The following CLHC1 variants were observed in gnomAD, a reference collection of about 807,000 sequenced individuals.
The protein encoded by CLHC1 is clathrin heavy chain linker domain-containing protein 1.
CLHC1 carries 72 observed loss-of-function variants against 69.5 expected under a neutral mutation model. That is an observed-to-expected ratio of 1.04 (90% CI 0.86 to 1.26). The LOEUF (loss-of-function observed/expected upper bound fraction) is 1.26. CLHC1 is among the 50% of genes most tolerant of loss of function. The probability of loss-of-function intolerance (pLI) is 0.00; values close to 1 mark genes in which losing one functional copy is unlikely to be tolerated. For missense variants in CLHC1, 790 were observed against 679.3 expected (o/e 1.16, Z -1.81); for synonymous variants, 223 against 224.3 (o/e 0.99, Z 0.05).
At chr2:55,182,102 G>A (rs112956079) in intron 9 of CLHC1, among the ~76,000 whole-genome samples, 1 of 151,932 alleles carries the variant, frequency 6.6e-6, no homozygotes, top group African/African-American at 2.4e-5. Context: ...CCAGAACTGT[G>A]AGCGAATATA....
At chr2:55,211,488 C>T (rs1331714512) in intron 5 of CLHC1, among the ~76,000 whole-genome samples, 7 of 122,658 alleles carry the variant, frequency 5.7e-5, no homozygotes, top group Non-Finnish European at 8.0e-5. Context: ...GGTGACAGAG[C>T]GAGACTATGT....
rs1165989555 is a variant in CLHC1, at chr2:55,173,373, C to CA, written c.*2416dup. Among the ~76,000 whole-genome samples, 2 of 152,146 alleles carry CA rather than the reference C, an allele frequency of 1.3e-5. No individual in the cohort carries two copies. Among genetic ancestry groups the CA allele is most frequent in the African/African-American group, 4.8e-5 (2 of 41,438 alleles). ...TAATCTTGCTAGCAGAAATTGTGTG[C>CA]AAAACAGGTATTCGGTAGATGTTGT... On this transcript the variant is annotated 3_prime_UTR_variant, in exon 13 of 13. Transcript: ENST00000401408.
At chr2:55,218,078 T>C (rs1000690265) in intron 3 of CLHC1, 80 bp from the exon 4 acceptor site, 4 of 674,084 alleles carry the variant, frequency 5.9e-6, no homozygotes, top group African/African-American at 5.6e-5. Flanking sequence ...AATAACATTA[T>C]AGATTATTTT....
At chr2:55,200,481 C>T (rs968341848) in intron 9 of CLHC1, among the ~76,000 whole-genome samples, 9 of 152,016 alleles carry the variant, frequency 5.9e-5, no homozygotes, top group African/African-American at 2.2e-4. Context: ...GAGGACATAA[C>T]AATTGTAAAT....
At chr2:55,215,551 T>C (rs564118410) in intron 4 of CLHC1, among the ~76,000 whole-genome samples, 32 of 152,296 alleles carry the variant, frequency 2.1e-4, no homozygotes, top group African/African-American at 7.7e-4. Context: ...TACCCATCAA[T>C]GATCAGCTGA....
intron 9 of CLHC1, among the ~76,000 whole-genome samples, chr2:55,191,146 T>G (rs775016627): frequency 6.6e-6 from 1 of 152,128 alleles, no homozygotes; most frequent in East Asian, 1.9e-4. Context: ...GAAGGTAAAA[T>G]GTAGAATTTA....
chr2:55,229,672 C>T (rs1029597076), intron 1 of CLHC1, among the ~76,000 whole-genome samples: 1 of 152,238 alleles, frequency 6.6e-6, no homozygotes, highest in African/African-American at 2.4e-5. Context: ...TGTTCCAGCA[C>T]TGGAGCAACA....
intron 9 of CLHC1, among the ~76,000 whole-genome samples, chr2:55,204,626 A>ATATGAT: frequency 6.6e-6 from 1 of 152,230 alleles, no homozygotes; most frequent in African/African-American, 2.4e-5. Context: ...CCATATGATC[A>ATATGAT]ACAATCCTAT....
At chr2:55,181,532 A>G in intron 10 of CLHC1, 38 bp downstream of exon 10, 5 of 1,474,626 alleles carry the variant, frequency 3.4e-6, no homozygotes, top group Non-Finnish European at 4.6e-6. Context: ...TTTATTAACG[A>G]AATGTCAAAA....
chr2:55,204,808 T>C (rs933447894), intron 9 of CLHC1, among the ~76,000 whole-genome samples: 3 of 152,144 alleles, frequency 2.0e-5, no homozygotes, highest in Non-Finnish European at 4.4e-5. Context: ...GAGGTCATTA[T>C]GTTAGGTGAA....
At chr2:55,212,340 G>A (rs1673089813) in intron 5 of CLHC1, among the ~76,000 whole-genome samples, 3 of 152,182 alleles carry the variant, frequency 2.0e-5, no homozygotes, top group African/African-American at 7.2e-5. Context: ...TCCACCCACT[G>A]AGTTTCTGAC....
chr2:55,193,697 C>A (rs754575441), intron 9 of CLHC1, among the ~76,000 whole-genome samples: 1 of 152,104 alleles, frequency 6.6e-6, no homozygotes, highest in Non-Finnish European at 1.5e-5. Flanking sequence ...ACGGTGCAAC[C>A]AAACAGATTA....
Position 55,175,683 on chromosome 2 carries a change from C to A in CLHC1, c.*107G>T. ...CAAAAGTGTGATTTATTTCTGAGAT[C>A]TTCTTACTCTAGATTTATTTATAAG... On this transcript the variant is annotated 3_prime_UTR_variant, in exon 13 of 13. Coordinates refer to ENST00000401408, the MANE Select transcript of CLHC1 (RefSeq NM_152385.4). 1.5e-6 allele frequency: 1 copy of A among 677,336 alleles called. No individual in the cohort carries two copies. The highest frequency in any genetic ancestry group is 2.5e-6 in the Non-Finnish European group (1 of 407,822). 42.0% of individuals were successfully genotyped at this position (677,336 alleles called of 1,614,324 possible).
Position 55,206,326 on chromosome 2 carries a change from G to A in CLHC1, c.950C>T (p.Ala317Val), listed in dbSNP as rs1009930873. ...AAGAATTCTTCTAGGACTGTTTGCT[G>A]CATAACAAGCTGCCTTTTCATATTC... ...LGEYEKAACYAANSPRRILRN... is the reference protein window; with the variant it reads ...LGEYEKAACYVANSPRRILRN... The change falls in exon 9 of 13, where the codon GCA (alanine) becomes GTA (valine). Residue 317 changes from alanine to valine, a missense_variant. Physicochemically the swap from Ala to Val is moderately conservative, Grantham distance 64. Coordinates refer to ENST00000401408, the MANE Select transcript of CLHC1 (RefSeq NM_152385.4). 8 of 1,611,384 alleles carry A rather than the reference G, an allele frequency of 5.0e-6. No individual in the cohort carries two copies. The highest frequency in any genetic ancestry group is 1.6e-4 in the Middle Eastern group (1 of 6,074).
At chr2:55,208,760 T>C (rs766055227) in intron 7 of CLHC1, 50 bp from the exon 8 acceptor site, 7 of 1,264,208 alleles carry the variant, frequency 5.5e-6, no homozygotes, top group Admixed American at 1.7e-5. Context: ...TACTTACCAA[T>C]AGAAAACAAT....
intron 1 of CLHC1, among the ~76,000 whole-genome samples, chr2:55,228,682 T>C (rs1319927036): frequency 1.3e-5 from 2 of 152,210 alleles, no homozygotes; most frequent in Non-Finnish European, 2.9e-5. Context: ...GGAAAACATC[T>C]AGTAAAACAA....
chr2:55,230,587 C>T (rs1433770753), intron 1 of CLHC1, among the ~76,000 whole-genome samples: 1 of 152,056 alleles, frequency 6.6e-6, no homozygotes, highest in African/African-American at 2.4e-5. Context: ...GGTCCAAGGA[C>T]TGGGCCTTGG....
In CLHC1 at chr2:55,175,787, G is replaced by T. The variant is rs749278174; in HGVS notation, c.*3C>A. The T allele has an allele frequency of 6.2e-7, 1 of 1,612,202 alleles. No homozygotes were observed. The highest frequency in any genetic ancestry group is 8.5e-7 in the Non-Finnish European group (1 of 1,178,528). ...AGCTCCCTCAGCTGGTTAAGATATAGAACTACCAAAACACATGTTCCATTA... is the reference window on the plus strand; with the variant it reads ...AGCTCCCTCAGCTGGTTAAGATATATAACTACCAAAACACATGTTCCATTA... On this transcript the variant is annotated 3_prime_UTR_variant, in exon 13 of 13. Transcript: ENST00000401408.
Position 55,212,794 on chromosome 2 carries a change from G to A in CLHC1, c.378C>T (p.Ile126=), listed in dbSNP as rs1323113578. The change falls in exon 5 of 13, where the codon ATC becomes ATT. Residue 126 remains isoleucine (I), a synonymous_variant. Coordinates refer to ENST00000401408, the MANE Select transcript of CLHC1 (RefSeq NM_152385.4). ...ATTGAATCTTCGAGGAATTACTTTC[G>A]ATAATCCTCATTCTGGAAAACAGAA... ...TIQLEAKMRI[I]ESNSSKIQSQ... 6.2e-6 allele frequency: 10 copies of A among 1,602,516 alleles called. No homozygotes were observed. The highest frequency in any genetic ancestry group is 3.3e-5 in the Admixed American group (2 of 59,904).
Sources: gnomAD v4.1 joint callset for allele counts (sites outside exome capture counted in the v4.1 genomes callset) on GRCh38, gnomAD v4.1.1 for gene constraint, MANE v1.5 for transcripts, NCBI Gene and HGNC (gene_info 2026-07-23, HGNC 2026-07-21) for gene names.